SPAG16: variants seen among roughly 807,000 people sequenced by gnomAD.
The protein encoded by SPAG16 is sperm-associated antigen 16 protein.
SPAG16 carries 86 observed loss-of-function variants against 80.4 expected under a neutral mutation model. The ratio of observed to expected loss-of-function variants is 1.07; its 90% CI spans 0.90 to 1.28. SPAG16 has a LOEUF of 1.28. Among genes scored for constraint, SPAG16 ranks in the 50% most tolerant of loss-of-function variants. The pLI, the probability that SPAG16 is intolerant of heterozygous loss-of-function variation, is 0.00. For synonymous variants in SPAG16, 294 were observed against 265.9 expected (o/e 1.11, Z -1.03); for missense variants, 870 against 765.3 (o/e 1.14, Z -1.61).
intron 5 of SPAG16, among the ~76,000 whole-genome samples, chr2:213,331,526 A>T (rs2064107820): frequency 6.6e-6 from 1 of 152,356 alleles, no homozygotes; most frequent in South Asian, 2.1e-4. Context: ...TCAGTATTGG[A>T]CAGGTATTCC....
Position 213,371,967 on chromosome 2 carries a change from GAAA to G in SPAG16, c.833-3040_833-3038del, listed in dbSNP as rs1359355667. Among the ~76,000 whole-genome samples the G allele has an allele frequency of 2.6e-5, 4 of 152,156 alleles. No homozygotes were observed. In the South Asian group the frequency reaches 8.3e-4, roughly 32 times the overall value. On this transcript the variant is annotated intron_variant, in intron 8 of 15. Transcript: ENST00000331683. ...TATTCTTTATGGTAGGTCAAAAGTA[GAAA>G]AATTTCTGGGAGAAACTATGAAATA...
intron 10 of SPAG16, among the ~76,000 whole-genome samples, chr2:213,790,631 A>G (rs574349276): frequency 2.0e-5 from 3 of 152,066 alleles, no homozygotes; most frequent in Non-Finnish European, 2.9e-5. Context: ...AAAAACACCA[A>G]TTATATACAA....
Position 213,599,712 on chromosome 2 carries a change from T to C in SPAG16, c.1070+109622T>C, listed in dbSNP as rs1456175800. Among the ~76,000 whole-genome samples, 3 of 152,202 alleles carry C rather than the reference T, an allele frequency of 2.0e-5. No individual in the cohort carries two copies. The East Asian group carries it at 5.8e-4, about 29-fold the overall frequency. On this transcript the variant is annotated intron_variant, in intron 10 of 15. Transcript: ENST00000331683. ...TGTTGGTTTTTTGTTTTGTTTTGTT[T>C]TGTTTTTGAGATGGAGTCTTGCTCT...
chr2:213,873,471 C>T (rs2076027140), intron 11 of SPAG16, among the ~76,000 whole-genome samples: 1 of 151,286 alleles, frequency 6.6e-6, no homozygotes, highest in African/African-American at 2.4e-5. Flanking sequence ...GTTGAATTTT[C>T]TATATATTTT....
chr2:213,735,654 T>A (rs2067249137), intron 10 of SPAG16, among the ~76,000 whole-genome samples: 1 of 152,148 alleles, frequency 6.6e-6, no homozygotes, highest in Admixed American at 6.6e-5. Flanking sequence ...GCCACGTTCC[T>A]CTCACCAGAA....
chr2:214,385,343 A>G (rs1465188012), intron 15 of SPAG16, among the ~76,000 whole-genome samples: 1 of 152,204 alleles, frequency 6.6e-6, no homozygotes, highest in African/African-American at 2.4e-5. Context: ...ACTTCCCAGC[A>G]CACGGTCAAC....
At chr2:213,304,710 G>T (rs1402050443) in intron 3 of SPAG16, among the ~76,000 whole-genome samples, 1 of 151,926 alleles carries the variant, frequency 6.6e-6, no homozygotes, top group Non-Finnish European at 1.5e-5. Flanking sequence ...GTGTTTCTGT[G>T]TGCTCTGTTC....
intron 10 of SPAG16, among the ~76,000 whole-genome samples, chr2:213,566,395 A>G (rs1476404692): frequency 6.6e-6 from 1 of 152,152 alleles, no homozygotes; most frequent in East Asian, 1.9e-4. Context: ...CCCTTGTCTA[A>G]GGGTCAATTT....
At chr2:213,631,148 T>C (rs953041008) in intron 10 of SPAG16, among the ~76,000 whole-genome samples, 5 of 152,184 alleles carry the variant, frequency 3.3e-5, no homozygotes, top group Non-Finnish European at 7.3e-5. Context: ...CAGAAACTTA[T>C]ACTTGCTAGT....
intron 9 of SPAG16, among the ~76,000 whole-genome samples, chr2:213,403,253 C>A (rs1474928763): frequency 6.6e-6 from 1 of 152,078 alleles, no homozygotes; most frequent in South Asian, 2.1e-4. Context: ...TCATATCCTT[C>A]GCCCACTTTT....
At chr2:213,690,208 C>A (rs1462217820) in intron 10 of SPAG16, among the ~76,000 whole-genome samples, 1 of 152,174 alleles carries the variant, frequency 6.6e-6, no homozygotes, top group Admixed American at 6.5e-5. Context: ...AGACTTAACT[C>A]TTCGTCTTAG....
At chr2:213,477,619 C>T (rs1256319895) in intron 9 of SPAG16, among the ~76,000 whole-genome samples, 4 of 152,156 alleles carry the variant, frequency 2.6e-5, no homozygotes, top group Non-Finnish European at 5.9e-5. Flanking sequence ...TTTGTTTTCA[C>T]GATTTCTCCC....
intron 12 of SPAG16, among the ~76,000 whole-genome samples, chr2:213,932,355 A>T (rs1413626064): frequency 1.3e-5 from 2 of 151,548 alleles, no homozygotes; most frequent in Non-Finnish European, 2.9e-5. Flanking sequence ...AGCTGGGACT[A>T]TAGGCACGTG....
intron 10 of SPAG16, among the ~76,000 whole-genome samples, chr2:213,692,821 A>G (rs1380498231): frequency 1.2e-4 from 18 of 151,208 alleles, no homozygotes; most frequent in African/African-American, 3.7e-4. Flanking sequence ...AAAAAAAAAA[A>G]AAAAGAAAAA....
At chr2:213,667,755 G>A (rs17753994) in intron 10 of SPAG16, among the ~76,000 whole-genome samples, 1,971 of 152,042 alleles carry the variant, frequency 0.013, 18 homozygotes, top group South Asian at 0.037. Context: ...TAAAAAAATC[G>A]GCAAGTCATA....
chr2:214,326,144 T>A (rs1576786329), intron 15 of SPAG16, among the ~76,000 whole-genome samples: 1 of 152,162 alleles, frequency 6.6e-6, no homozygotes, highest in African/African-American at 2.4e-5. Context: ...TAGTTAAGGA[T>A]CTTGAGATGG....
intron 15 of SPAG16, among the ~76,000 whole-genome samples, chr2:214,250,749 T>TAGAGAG (rs377538514): frequency 0.018 from 1,636 of 92,484 alleles, 13 homozygotes; most frequent in Non-Finnish European, 0.027. Context: ...TATATATATA[T>TAGAGAG]ATATATATAG....
intron 3 of SPAG16, among the ~76,000 whole-genome samples, chr2:213,304,728 C>A (rs552937268): frequency 6.6e-6 from 1 of 152,138 alleles, no homozygotes; most frequent in East Asian, 1.9e-4. Flanking sequence ...TTCTGTTGGT[C>A]TATGTATCTG....
intron 10 of SPAG16, among the ~76,000 whole-genome samples, chr2:213,596,502 T>C (rs776617014): frequency 2.0e-5 from 3 of 152,134 alleles, no homozygotes; most frequent in Non-Finnish European, 2.9e-5. Flanking sequence ...ATCTGAGGCA[T>C]CTCTCTGACC....
Sources: gnomAD v4.1 joint callset for allele counts (sites outside exome capture counted in the v4.1 genomes callset) on GRCh38, gnomAD v4.1.1 for gene constraint, MANE v1.5 for transcripts, NCBI Gene and HGNC (gene_info 2026-07-23, HGNC 2026-07-21) for gene names.